Variants in CASP6 observed in about 807,000 individuals in gnomAD.
The protein encoded by CASP6 is caspase-6.
In CASP6, 20 loss-of-function variants were observed where a neutral mutation model predicts 31.8. The ratio of observed to expected loss-of-function variants is 0.63; its 90% CI spans 0.44 to 0.91. CASP6 has a LOEUF of 0.91. Ranked by LOEUF, CASP6 falls within the 40% of genes least tolerant of loss-of-function variation. The probability of loss-of-function intolerance (pLI) is 0.00; values close to 1 mark genes in which losing one functional copy is unlikely to be tolerated. For missense variants in CASP6, 328 were observed against 361.1 expected (o/e 0.91, Z 0.74); for synonymous variants, 130 against 127.8 (o/e 1.02, Z -0.12).
chr4:109,694,486 C>A, intron 5 of CASP6, 39 bp downstream of exon 5: 1 of 1,482,032 alleles, frequency 6.7e-7, no homozygotes, highest in Non-Finnish European at 9.0e-7. Context: ...TTCAGAATGA[C>A]AGACTTTATA....
At chr4:109,707,802 T>C (rs1472217575), upstream of CASP6, among the ~76,000 whole-genome samples, 1 of 152,176 alleles carries the variant, frequency 6.6e-6, no homozygotes, top group Admixed American at 6.5e-5. Context: ...GAGAGCATGT[T>C]GTCCTACCCC....
At chr4:109,680,442 C>T in the CASP6 span, among the ~76,000 whole-genome samples, 1 of 152,158 alleles carries the variant, frequency 6.6e-6, no homozygotes, top group African/African-American at 2.4e-5. Flanking sequence ...GAGTTCAGTT[C>T]ACGCTGGACC....
At chr4:109,674,387 C>T in the CASP6 span, among the ~76,000 whole-genome samples, 8 of 152,138 alleles carry the variant, frequency 5.3e-5, no homozygotes, top group Non-Finnish European at 1.0e-4. Context: ...AAATGTCCAC[C>T]TTCTTAAATT....
the CASP6 span, among the ~76,000 whole-genome samples, chr4:109,679,622 C>T: frequency 1.3e-5 from 2 of 152,046 alleles, no homozygotes; most frequent in African/African-American, 2.4e-5. Flanking sequence ...ACTGGGAGAC[C>T]GTAGAGAGGG....
the CASP6 span, chr4:109,674,002 AC>A: frequency 8.9e-7 from 1 of 1,119,124 alleles, no homozygotes; most frequent in African/African-American, 1.5e-5. Flanking sequence ...CAGGGGAAAT[AC>A]TAAAATGTCC....
At chr4:109,694,497 A>G in intron 5 of CASP6, 28 bp downstream of exon 5, 1 of 1,500,672 alleles carries the variant, frequency 6.7e-7, no homozygotes, top group Non-Finnish European at 8.9e-7. Context: ...AGACTTTATA[A>G]TTAAGATGAT....
chr4:109,671,857 G>A, the CASP6 span, among the ~76,000 whole-genome samples: 3 of 152,254 alleles, frequency 2.0e-5, no homozygotes, highest in Admixed American at 1.3e-4. Flanking sequence ...GGTCTTTAGT[G>A]TGAGGTTTTA....
At chr4:109,704,749 C>T (rs113636772), upstream of CASP6, among the ~76,000 whole-genome samples, 563 of 152,340 alleles carry the variant, frequency 3.7e-3, 7 homozygotes, top group African/African-American at 0.013. Context: ...CTTGCTTTGT[C>T]ACCAAGGCTG....
upstream of CASP6, among the ~76,000 whole-genome samples, chr4:109,704,951 C>T (rs181813036): frequency 2.1e-3 from 323 of 152,232 alleles, no homozygotes; most frequent in African/African-American, 7.5e-3. Flanking sequence ...GCAATCTGCC[C>T]GCCTCGGTCT....
chr4:109,671,765 T>C, the CASP6 span, among the ~76,000 whole-genome samples: 3 of 152,244 alleles, frequency 2.0e-5, no homozygotes, highest in Non-Finnish European at 4.4e-5. Context: ...TTGTTGTTTT[T>C]TTCTTTGCCT....
the CASP6 span, chr4:109,664,465 C>A: frequency 1.5e-6 from 1 of 647,664 alleles, no homozygotes; most frequent in Non-Finnish European, 2.7e-6. Flanking sequence ...TGCTCTGTTT[C>A]CCAGGCTGGA....
chr4:109,676,072 T>C, the CASP6 span, among the ~76,000 whole-genome samples: 1 of 152,180 alleles, frequency 6.6e-6, no homozygotes, highest in African/African-American at 2.4e-5. Flanking sequence ...CTTTGGAATT[T>C]GGTAATGGGC....
intron 5 of CASP6, among the ~76,000 whole-genome samples, chr4:109,694,031 T>C (rs922157567): frequency 4.6e-5 from 7 of 152,098 alleles, no homozygotes; most frequent in African/African-American, 1.7e-4. Context: ...ATCACGCCTG[T>C]AAAAAATACT....
At chr4:109,693,742 A>AT (rs1181800373) in intron 5 of CASP6, among the ~76,000 whole-genome samples, 1,611 of 139,546 alleles carry the variant, frequency 0.012, 25 homozygotes, top group African/African-American at 0.037. Flanking sequence ...AAAAAAAAAA[A>AT]TTTTTTTTTT....
chr4:109,694,398 G>T, intron 5 of CASP6, 127 bp downstream of exon 5: 1 of 743,270 alleles, frequency 1.3e-6, no homozygotes, highest in Non-Finnish European at 2.2e-6. Flanking sequence ...AACTATGATT[G>T]GCCAGAATTC....
At chr4:109,709,477 A>T in the CASP6 span, among the ~76,000 whole-genome samples, 1 of 152,142 alleles carries the variant, frequency 6.6e-6, no homozygotes, top group Non-Finnish European at 1.5e-5. Flanking sequence ...TTTTCCATAA[A>T]AGTGACTTAT....
At chr4:109,682,324 CTT>C in the CASP6 span, among the ~76,000 whole-genome samples, 7 of 147,298 alleles carry the variant, frequency 4.8e-5, no homozygotes, top group African/African-American at 1.5e-4. Context: ...TTTTTGGTGA[CTT>C]TTTTTTTTTT....
At chr4:109,685,509 T>C (rs1207173813), downstream of CASP6, 1 of 481,404 alleles carries the variant, frequency 2.1e-6, no homozygotes, top group Non-Finnish European at 3.7e-6. Context: ...TTGAAATGGT[T>C]GACATATTTC....
chr4:109,686,502 TAAA>T (rs1051358242), downstream of CASP6, among the ~76,000 whole-genome samples: 1 of 152,158 alleles, frequency 6.6e-6, no homozygotes, highest in African/African-American at 2.4e-5. Flanking sequence ...ATAATGCTTT[TAAA>T]AAAAATTTGT....
Sources: allele counts gnomAD v4.1 joint callset (sites outside exome capture counted in the v4.1 genomes callset), GRCh38; gene constraint gnomAD v4.1.1; transcripts MANE v1.5; gene names NCBI Gene and HGNC (gene_info 2026-07-23, HGNC 2026-07-21).